CEP112: variants seen among roughly 807,000 people sequenced by gnomAD.
CEP112 encodes the protein centrosomal protein 112.
A neutral mutation model predicts 153.0 loss-of-function variants in CEP112; 127 were observed. The ratio of observed to expected loss-of-function variants is 0.83; its 90% CI spans 0.72 to 0.96. CEP112 has a LOEUF of 0.96. CEP112 is among the 40% of genes least tolerant of loss of function. The pLI is 0.00. For synonymous variants in CEP112, 358 were observed against 374.4 expected, an observed-to-expected ratio of 0.96 and a Z score of 0.51; for missense variants, 1,089 against 1,101.2, an observed-to-expected ratio of 0.99 and a Z score of 0.16.
chr17:65,971,497 A>G (rs1327416277), intron 17 of CEP112, among the ~76,000 whole-genome samples: 3 of 151,292 alleles, frequency 2.0e-5, no homozygotes, highest in Non-Finnish European at 3.0e-5. Context: ...TGAATGTCAT[A>G]CATATCACAC....
intron 11 of CEP112, among the ~76,000 whole-genome samples, chr17:66,060,765 T>C (rs2066891862): frequency 6.6e-6 from 1 of 151,906 alleles, no homozygotes. Flanking sequence ...GCAAAATGAA[T>C]TGAAAGACTT....
chr17:65,975,589 A>G (rs2063003863), intron 17 of CEP112, among the ~76,000 whole-genome samples: 1 of 152,244 alleles, frequency 6.6e-6, no homozygotes, highest in Non-Finnish European at 1.5e-5. Context: ...CTCAGTGTCA[A>G]ATAAGAAATC....
chr17:65,716,323 A>T (rs1296927927), intron 23 of CEP112, among the ~76,000 whole-genome samples: 2 of 151,070 alleles, frequency 1.3e-5, no homozygotes, highest in Non-Finnish European at 3.0e-5. Flanking sequence ...TGCCAGGCTA[A>T]TTTTTTTTTG....
chr17:65,720,819 C>T (rs887233628), intron 23 of CEP112, among the ~76,000 whole-genome samples: 2 of 152,182 alleles, frequency 1.3e-5, no homozygotes, highest in African/African-American at 2.4e-5. Context: ...CATTAGTTCA[C>T]TCGATTCTTG....
intron 23 of CEP112, among the ~76,000 whole-genome samples, chr17:65,690,113 C>CAAAAA (rs67399289): frequency 9.6e-5 from 6 of 62,552 alleles, no homozygotes; most frequent in South Asian, 7.7e-4. Flanking sequence ...GAAAACAGAC[C>CAAAAA]AAAAAAAAAA....
At chr17:65,684,731 C>G (rs115165432) in intron 24 of CEP112, among the ~76,000 whole-genome samples, 4 of 152,144 alleles carry the variant, frequency 2.6e-5, no homozygotes, top group African/African-American at 9.7e-5. Flanking sequence ...CAGTGTTTAA[C>G]GCAGTGGAAA....
intron 21 of CEP112, among the ~76,000 whole-genome samples, chr17:65,849,636 T>C (rs1281035232): frequency 6.6e-6 from 1 of 152,236 alleles, no homozygotes; most frequent in Admixed American, 6.5e-5. Context: ...ATGTGTTATA[T>C]GTCTGACTTT....
At chr17:65,851,719 T>G (rs1428602189) in intron 21 of CEP112, 85 bp downstream of exon 21, 2 of 950,580 alleles carry the variant, frequency 2.1e-6, no homozygotes, top group Non-Finnish European at 3.3e-6. Context: ...TCTACTACCT[T>G]TTGGAGATTA....
intron 13 of CEP112, 118 bp from the exon 14 acceptor site, chr17:66,029,370 C>T: frequency 1.2e-6 from 1 of 866,396 alleles, no homozygotes; most frequent in Non-Finnish European, 1.7e-6. Context: ...TAAGTATCCA[C>T]AATTTTGTCA....
At chr17:65,933,502 C>G (rs2061197852) in intron 18 of CEP112, among the ~76,000 whole-genome samples, 2 of 152,200 alleles carry the variant, frequency 1.3e-5, no homozygotes, top group South Asian at 4.1e-4. Context: ...CAGCAGAAAC[C>G]CTGCATGCCA....
intron 17 of CEP112, among the ~76,000 whole-genome samples, chr17:65,971,387 G>GCAGCAAA (rs2062789567): frequency 1.4e-5 from 1 of 73,154 alleles, no homozygotes; most frequent in African/African-American, 4.3e-5. Flanking sequence ...TACATTGCAT[G>GCAGCAAA]TATATAGCAT....
chr17:65,694,539 A>C lies in CEP112; in HGVS notation c.2608-5321T>G, dbSNP rs139157493. Among the ~76,000 whole-genome samples the C allele has an allele frequency of 1.9e-3, 282 of 152,360 alleles. 2 individuals are homozygous for C. Among genetic ancestry groups the C allele is most frequent in the African/African-American group, 6.6e-3 (274 of 41,584 alleles). ...CTTTCTAAAGTTAATCAGAGAAAGCAGTTGTATTTAGAAATGACTTTCGTT... is the reference window on the plus strand; with the variant it reads ...CTTTCTAAAGTTAATCAGAGAAAGCCGTTGTATTTAGAAATGACTTTCGTT... On this transcript the variant is annotated intron_variant, in intron 23 of 26. Transcript: ENST00000535342.
intron 17 of CEP112, among the ~76,000 whole-genome samples, chr17:65,990,036 AAAAT>A (rs2063540708): frequency 6.6e-6 from 1 of 152,208 alleles, no homozygotes; most frequent in African/African-American, 2.4e-5. Flanking sequence ...AGATTTACTA[AAAAT>A]AAAAAGCAAT....
intron 21 of CEP112, among the ~76,000 whole-genome samples, chr17:65,777,121 T>G (rs1244201079): frequency 2.0e-5 from 3 of 152,222 alleles, no homozygotes; most frequent in Non-Finnish European, 4.4e-5. Flanking sequence ...ATGGAGGCAC[T>G]GTGTGGCAGC....
At chr17:66,010,083 C>T (rs1381203322) in intron 16 of CEP112, among the ~76,000 whole-genome samples, 1 of 152,146 alleles carries the variant, frequency 6.6e-6, no homozygotes, top group Admixed American at 6.5e-5. Flanking sequence ...TTGATTCTTC[C>T]TATCCATGAG....
At chr17:65,919,414 G>A (rs570467728) in intron 19 of CEP112, among the ~76,000 whole-genome samples, 3 of 152,274 alleles carry the variant, frequency 2.0e-5, no homozygotes, top group African/African-American at 7.2e-5. Context: ...CCCTCCTGAT[G>A]TGAAATGCTA....
At chr17:65,666,178 T>C (rs1042775646) in intron 24 of CEP112, among the ~76,000 whole-genome samples, 1 of 152,258 alleles carries the variant, frequency 6.6e-6, no homozygotes, top group African/African-American at 2.4e-5. Flanking sequence ...GACACCTGCA[T>C]GCTTTATCCC....
intron 6 of CEP112, among the ~76,000 whole-genome samples, chr17:66,100,187 C>T (rs1183956264): frequency 6.6e-6 from 1 of 151,862 alleles, no homozygotes; most frequent in Non-Finnish European, 1.5e-5. Context: ...ATCACAAGGT[C>T]AGGAGATCGA....
chr17:66,085,716 C>T (rs949805643), intron 8 of CEP112, among the ~76,000 whole-genome samples: 1 of 152,070 alleles, frequency 6.6e-6, no homozygotes, highest in Admixed American at 6.6e-5. Flanking sequence ...CGGTGGCTCA[C>T]GCCTGTAATC....
Sources: gnomAD v4.1 joint callset for allele counts (sites outside exome capture counted in the v4.1 genomes callset) on GRCh38, gnomAD v4.1.1 for gene constraint, MANE v1.5 for transcripts, NCBI Gene and HGNC (gene_info 2026-07-23, HGNC 2026-07-21) for gene names.